UBAC2: variants seen among roughly 807,000 people sequenced by gnomAD.
UBAC2 encodes ubiquitin-associated domain-containing protein 2.
UBAC2 carries 26 observed loss-of-function variants against 44.0 expected under a neutral mutation model. The observed-to-expected ratio is 0.59, with a 90% CI of 0.43 to 0.82. UBAC2 has a LOEUF of 0.82. UBAC2 is among the 40% of genes least tolerant of loss of function. UBAC2 has a pLI of 0.00. For synonymous variants in UBAC2, 155 were observed against 154.3 expected, an observed-to-expected ratio of 1.00 and a Z score of -0.04; for missense variants, 329 against 419.4, an observed-to-expected ratio of 0.78 and a Z score of 1.88.
At chr13:99,335,731 A>G (rs541251544) in intron 6 of UBAC2, among the ~76,000 whole-genome samples, 2 of 152,250 alleles carry the variant, frequency 1.3e-5, no homozygotes, top group East Asian at 1.9e-4. Context: ...CTTGGGGATG[A>G]TTTGTTTCTG....
At chr13:99,239,971 CTG>C (rs1486600019) in intron 2 of UBAC2, among the ~76,000 whole-genome samples, 9 of 152,112 alleles carry the variant, frequency 5.9e-5, no homozygotes, top group Admixed American at 4.6e-4. Context: ...GAAGGGATGA[CTG>C]TTAATTAGCA....
chr13:99,315,545 G>A (rs927931687), intron 5 of UBAC2, among the ~76,000 whole-genome samples: 5 of 152,122 alleles, frequency 3.3e-5, no homozygotes, highest in African/African-American at 9.7e-5. Context: ...GAAAGTCTTT[G>A]GAGCCAGGTT....
intron 4 of UBAC2, among the ~76,000 whole-genome samples, chr13:99,250,219 T>C (rs1477686202): frequency 2.0e-5 from 3 of 152,224 alleles, no homozygotes; most frequent in Non-Finnish European, 4.4e-5. Flanking sequence ...CTTTAATCCA[T>C]CTTGAATTAA....
chr13:99,240,415 T>C (rs1029311735), intron 2 of UBAC2, among the ~76,000 whole-genome samples: 1 of 152,248 alleles, frequency 6.6e-6, no homozygotes, highest in East Asian at 1.9e-4. Context: ...CAGTTTGTTA[T>C]ATCTTAGTAA....
chr13:99,344,321 C>T (rs2044939615), intron 7 of UBAC2, among the ~76,000 whole-genome samples: 1 of 152,142 alleles, frequency 6.6e-6, no homozygotes, highest in African/African-American at 2.4e-5. Context: ...TATGAGAGCT[C>T]CTTGGTGATT....
chr13:99,320,448 C>T lies in UBAC2; in HGVS notation c.561+2379C>T, dbSNP rs903062741. Among the ~76,000 whole-genome samples the T allele has an allele frequency of 5.3e-5, 8 of 152,048 alleles. No individual in the cohort carries two copies. The South Asian group carries it at 1.5e-3, about 28-fold the overall frequency. ...AAGATAATGTAGCATTTTAAAGAACCCTACTAATAATAAACATTTCTGAGC... is the reference window on the plus strand; with the variant it reads ...AAGATAATGTAGCATTTTAAAGAACTCTACTAATAATAAACATTTCTGAGC... On this transcript the variant is annotated intron_variant, in intron 6 of 8. Coordinates refer to ENST00000403766, the MANE Select transcript of UBAC2 (RefSeq NM_001144072.2).
intron 4 of UBAC2, among the ~76,000 whole-genome samples, chr13:99,274,861 G>A (rs1282266655): frequency 1.3e-5 from 2 of 151,508 alleles, no homozygotes; most frequent in African/African-American, 2.4e-5. Context: ...GGGATTACAG[G>A]TGCGCACCAC....
intron 4 of UBAC2, among the ~76,000 whole-genome samples, chr13:99,279,014 A>G (rs1248493553): frequency 6.6e-6 from 1 of 152,192 alleles, no homozygotes; most frequent in Non-Finnish European, 1.5e-5. Context: ...GTTACTCAGT[A>G]TTTATACTGA....
intron 1 of UBAC2, among the ~76,000 whole-genome samples, chr13:99,210,473 C>A (rs1422526888): frequency 8.3e-6 from 1 of 120,672 alleles, no homozygotes; most frequent in Non-Finnish European, 1.7e-5. Flanking sequence ...TTTTCTTTTT[C>A]TTTTCTTTTT....
At chr13:99,317,318 T>C (rs551024445) in intron 5 of UBAC2, among the ~76,000 whole-genome samples, 5 of 152,320 alleles carry the variant, frequency 3.3e-5, no homozygotes, top group African/African-American at 1.2e-4. Context: ...ACAAATCATT[T>C]CTTTGTTGCA....
intron 1 of UBAC2, among the ~76,000 whole-genome samples, chr13:99,234,175 T>C (rs890911245): frequency 7.2e-4 from 29 of 40,128 alleles, no homozygotes; most frequent in Non-Finnish European, 6.1e-4. Context: ...CCGTTTCTTT[T>C]TTTTTTTTTT....
intron 7 of UBAC2, among the ~76,000 whole-genome samples, chr13:99,347,416 C>T (rs905785353): frequency 4.3e-5 from 6 of 140,606 alleles, no homozygotes; most frequent in South Asian, 2.4e-4. Context: ...AAAGGGGCTT[C>T]GGTGGAGAGA....
intron 4 of UBAC2, among the ~76,000 whole-genome samples, chr13:99,277,521 A>G (rs1236072297): frequency 1.3e-5 from 2 of 152,208 alleles, no homozygotes; most frequent in East Asian, 1.9e-4. Context: ...GGGAAACTCC[A>G]TCTCAAAAAA....
chr13:99,286,275 A>T (rs2044017843), intron 4 of UBAC2, among the ~76,000 whole-genome samples: 1 of 152,242 alleles, frequency 6.6e-6, no homozygotes, highest in African/African-American at 2.4e-5. Context: ...TATACAAAGC[A>T]ACATACCTGG....
At chr13:99,384,396 G>GA (rs1438527252) in intron 8 of UBAC2, among the ~76,000 whole-genome samples, 5 of 152,300 alleles carry the variant, frequency 3.3e-5, no homozygotes, top group East Asian at 3.9e-4. Flanking sequence ...TCTTAATTGG[G>GA]AAAAAAGGTT....
chr13:99,311,924 G>A (rs1002154383), intron 4 of UBAC2, among the ~76,000 whole-genome samples: 1 of 152,184 alleles, frequency 6.6e-6, no homozygotes. Context: ...GTGCACCTCC[G>A]TCTGCCACCC....
intron 1 of UBAC2, chr13:99,215,646 T>G: frequency 7.3e-7 from 1 of 1,365,124 alleles, no homozygotes; most frequent in Non-Finnish European, 1.0e-6. Flanking sequence ...CGTCCTAGAT[T>G]TCAGGTGTTG....
intron 7 of UBAC2, among the ~76,000 whole-genome samples, chr13:99,354,547 A>G (rs2045146680): frequency 6.6e-6 from 1 of 152,212 alleles, no homozygotes; most frequent in Non-Finnish European, 1.5e-5. Flanking sequence ...CAGAGAAAGA[A>G]GCCACTTACA....
At chr13:99,372,493 A>G (rs895167628) in intron 8 of UBAC2, 1 of 152,274 alleles carries the variant, frequency 6.6e-6, no homozygotes, top group Non-Finnish European at 1.5e-5. Flanking sequence ...AAATCCATAG[A>G]CCCTGGGATT....
Sources: gnomAD v4.1 joint callset for allele counts (sites outside exome capture counted in the v4.1 genomes callset) on GRCh38, gnomAD v4.1.1 for gene constraint, MANE v1.5 for transcripts, NCBI Gene and HGNC (gene_info 2026-07-23, HGNC 2026-07-21) for gene names.